SETBP1: variants seen among roughly 807,000 people sequenced by gnomAD.
The protein encoded by SETBP1 is SET-binding protein.
In SETBP1, 9 loss-of-function variants were observed where a neutral mutation model predicts 101.0. That is an observed-to-expected ratio of 0.09 (90% confidence interval 0.05 to 0.16). The LOEUF (loss-of-function observed/expected upper bound fraction) is 0.16. Among genes scored for constraint, SETBP1 ranks in the 10% least tolerant of loss-of-function variants. The pLI is 1.00. For missense variants in SETBP1, 1,858 were observed against 2,033.8 expected (o/e 0.91, Z 1.66); for synonymous variants, 818 against 788.5 (o/e 1.04, Z -0.63).
At chr18:44,979,936 C>A (rs2072074865) in intron 4 of SETBP1, among the ~76,000 whole-genome samples, 1 of 152,132 alleles carries the variant, frequency 6.6e-6, no homozygotes, top group Non-Finnish European at 1.5e-5. Context: ...TTTGAAAACC[C>A]ATGTGGATGT....
At chr18:44,993,087 A>T (rs1189040074) in intron 4 of SETBP1, among the ~76,000 whole-genome samples, 1 of 152,068 alleles carries the variant, frequency 6.6e-6, no homozygotes, top group African/African-American at 2.4e-5. Flanking sequence ...TGCAGAAGTC[A>T]TTCACTAACA....
At chr18:44,777,687 A>G (rs1421488778) in intron 2 of SETBP1, among the ~76,000 whole-genome samples, 2 of 152,196 alleles carry the variant, frequency 1.3e-5, no homozygotes, top group East Asian at 3.9e-4. Context: ...GCAGGGATGC[A>G]TGTTGCTCTG....
chr18:45,000,039 TA>T (rs2145327832), intron 4 of SETBP1, among the ~76,000 whole-genome samples: 1 of 152,368 alleles, frequency 6.6e-6, no homozygotes, highest in East Asian at 1.9e-4. Flanking sequence ...AATGTTACGT[TA>T]TATGACAGTG....
At chr18:44,806,744 A>T (rs903619060) in intron 2 of SETBP1, among the ~76,000 whole-genome samples, 1 of 139,204 alleles carries the variant, frequency 7.2e-6, no homozygotes, top group Non-Finnish European at 1.5e-5. Flanking sequence ...CACAGGTGTG[A>T]TCATACCTTA....
chr18:44,716,885 C>T (rs145535253), intron 2 of SETBP1, among the ~76,000 whole-genome samples: 4 of 152,280 alleles, frequency 2.6e-5, no homozygotes, highest in Non-Finnish European at 5.9e-5. Context: ...TTTTGTGGAA[C>T]CCCTGAATCA....
chr18:44,976,206 G>C (rs2071984653), intron 4 of SETBP1, among the ~76,000 whole-genome samples: 1 of 152,084 alleles, frequency 6.6e-6, no homozygotes, highest in African/African-American at 2.4e-5. Context: ...GCTGGAGCAG[G>C]AAGCAGGCGG....
At chr18:45,042,284 G>A (rs1460337609) in intron 5 of SETBP1, among the ~76,000 whole-genome samples, 1 of 151,822 alleles carries the variant, frequency 6.6e-6, no homozygotes, top group African/African-American at 2.4e-5. Flanking sequence ...CAAGTGGCTG[G>A]GATTACAGGC....
intron 4 of SETBP1, among the ~76,000 whole-genome samples, chr18:44,991,533 T>C (rs946736777): frequency 2.6e-5 from 4 of 152,154 alleles, no homozygotes; most frequent in Non-Finnish European, 4.4e-5. Flanking sequence ...AACAAAGTTA[T>C]TGACTATAAA....
At chr18:44,991,713 C>G (rs192262007) in intron 4 of SETBP1, among the ~76,000 whole-genome samples, 1 of 152,246 alleles carries the variant, frequency 6.6e-6, no homozygotes, top group Non-Finnish European at 1.5e-5. Flanking sequence ...ACAAATCTTT[C>G]TCAGTAATGG....
At chr18:44,687,522 G>A (rs1357105011) in intron 1 of SETBP1, among the ~76,000 whole-genome samples, 1 of 152,164 alleles carries the variant, frequency 6.6e-6, no homozygotes, top group Admixed American at 6.5e-5. Context: ...GGACAGGGAA[G>A]GGGAGAGGAG....
chr18:44,719,038 A>G (rs1014147540), intron 2 of SETBP1, among the ~76,000 whole-genome samples: 14 of 152,174 alleles, frequency 9.2e-5, no homozygotes, highest in Non-Finnish European at 1.8e-4. Context: ...GTGAAGACAC[A>G]TGGGGTTTTA....
At chr18:45,010,496 A>G (rs1209552052) in intron 4 of SETBP1, among the ~76,000 whole-genome samples, 1 of 152,216 alleles carries the variant, frequency 6.6e-6, no homozygotes, top group Non-Finnish European at 1.5e-5. Context: ...TTTTTGGATT[A>G]AGCAGGTGTT....
chr18:45,043,591 TA>T (rs1426706442), intron 5 of SETBP1, among the ~76,000 whole-genome samples: 3 of 152,222 alleles, frequency 2.0e-5, no homozygotes, highest in Admixed American at 1.3e-4. Flanking sequence ...TATTTCAAAC[TA>T]TATTATCTAC....
chr18:44,877,011 C>A (rs1323029751), intron 3 of SETBP1: 1 of 1,177,154 alleles, frequency 8.5e-7, no homozygotes, highest in African/African-American at 1.6e-5. Flanking sequence ...GGCTTGATCC[C>A]ATGAGTTTGC....
intron 1 of SETBP1, among the ~76,000 whole-genome samples, chr18:44,696,296 G>C (rs916532276): frequency 1.3e-5 from 2 of 152,150 alleles, no homozygotes; most frequent in Non-Finnish European, 2.9e-5. Context: ...CTATGATCTA[G>C]CAACTTGACA....
chr18:44,847,017 C>T (rs773202023), intron 2 of SETBP1, among the ~76,000 whole-genome samples: 1 of 152,112 alleles, frequency 6.6e-6, no homozygotes, highest in Non-Finnish European at 1.5e-5. Flanking sequence ...AGAAACGTAA[C>T]TGAAATGGCC....
At chr18:44,997,372 G>T (rs1052349778) in intron 4 of SETBP1, among the ~76,000 whole-genome samples, 11 of 152,110 alleles carry the variant, frequency 7.2e-5, no homozygotes, top group African/African-American at 2.7e-4. Context: ...TGGCCTATTT[G>T]CCAGGTGGCT....
rs148941204 is a variant in SETBP1, at chr18:44,784,873, G to A, written c.486+83041G>A. 7.9e-4 allele frequency among the ~76,000 whole-genome samples: 120 copies of A among 152,274 alleles called. No homozygotes were observed. The East Asian group carries it at 0.015, about 19-fold the overall frequency. ...TTCACTGATATGATGCTGCCAAAAT[G>A]TATATGTATTTATACATGGGAGTTC... On this transcript the variant is annotated intron_variant, in intron 2 of 5. Transcript: ENST00000649279.
At chr18:44,729,524 T>C (rs527403095) in intron 2 of SETBP1, among the ~76,000 whole-genome samples, 2 of 152,318 alleles carry the variant, frequency 1.3e-5, no homozygotes, top group South Asian at 4.1e-4. Flanking sequence ...TAAATGGATA[T>C]CACTATTCAT....
Sources: allele counts gnomAD v4.1 joint callset (sites outside exome capture counted in the v4.1 genomes callset), GRCh38; gene constraint gnomAD v4.1.1; transcripts MANE v1.5; gene names NCBI Gene and HGNC (gene_info 2026-07-23, HGNC 2026-07-21).